The following SNRPN variants were observed in gnomAD, a reference collection of about 807,000 sequenced individuals.
SNRPN encodes the protein small nuclear ribonucleoprotein-associated protein N.
In SNRPN, 7 loss-of-function variants were observed where a neutral mutation model predicts 25.2. That is an observed-to-expected ratio of 0.28 (90% CI 0.16 to 0.52). SNRPN has a LOEUF of 0.52. SNRPN is among the 20% of genes least tolerant of loss of function. The pLI, the probability that SNRPN is intolerant of heterozygous loss-of-function variation, is 0.96. For missense variants in SNRPN, 196 were observed against 322.5 expected (o/e 0.61, Z 3.00); for synonymous variants, 124 against 110.6 (o/e 1.12, Z -0.76).
intron 2 of SNRPN, chr15:24,910,958 AC>A: frequency 1.1e-6 from 1 of 902,948 alleles, no homozygotes. Flanking sequence ...AGCAGCCAAC[AC>A]CCAAAACCAC....
rs766395506 is a variant in SNRPN at position 24,974,422 on chromosome 15, C to G, written c.-32C>G. 5.0e-6 allele frequency: 8 copies of G among 1,611,530 alleles called. No individual in the cohort carries two copies. The highest frequency in any genetic ancestry group is 3.3e-4 in the Middle Eastern group (2 of 6,062). The stretch of plus-strand genomic sequence containing the variant: ...GGTCTTCAGAAGCATCAAGTTTTAA[C>G]TGTGGACATTGGATTTGGTGGAACA... On this transcript the variant is annotated 5_prime_UTR_variant, in exon 4 of 10. Coordinates refer to ENST00000390687, the MANE Select transcript of SNRPN (RefSeq NM_003097.6).
At chr15:24,849,661 C>T (rs2052622469) in intron 2 of SNRPN, 1 of 152,180 alleles carries the variant, frequency 6.6e-6, no homozygotes, top group African/African-American at 2.4e-5. Flanking sequence ...TGGAGGGCTG[C>T]TAGCTGCTCT....
At chr15:24,977,311 T>C (rs2077171456) in intron 7 of SNRPN, among the ~76,000 whole-genome samples, 1 of 152,094 alleles carries the variant, frequency 6.6e-6, no homozygotes, top group Non-Finnish European at 1.5e-5. Flanking sequence ...ACCAAAGGGC[T>C]TTTTGGATGT....
At chr15:24,949,703 C>CT (rs1206699364) in intron 3 of SNRPN, among the ~76,000 whole-genome samples, 1 of 152,140 alleles carries the variant, frequency 6.6e-6, no homozygotes, top group Non-Finnish European at 1.5e-5. Flanking sequence ...TGTCTAGCTG[C>CT]TTTCACTCAG....
intron 2 of SNRPN, among the ~76,000 whole-genome samples, chr15:24,891,690 G>A (rs561910629): frequency 6.3e-4 from 95 of 151,958 alleles, no homozygotes; most frequent in Non-Finnish European, 9.0e-4. Context: ...CACCCTCCTC[G>A]GCCTCCCAAA....
chr15:24,861,793 T>C (rs1183078886), intron 1 of SNRPN, among the ~76,000 whole-genome samples: 1 of 151,996 alleles, frequency 6.6e-6, no homozygotes, highest in Non-Finnish European at 1.5e-5. Context: ...AGCCCTTCCA[T>C]AGTTATAAAA....
At chr15:24,854,492 G>A (rs74005377), upstream of SNRPN, among the ~76,000 whole-genome samples, 1 of 152,168 alleles carries the variant, frequency 6.6e-6, no homozygotes, top group Non-Finnish European at 1.5e-5. Context: ...TGGGTTGATT[G>A]CTCATATTTC....
At chr15:24,961,732 A>G (rs2074858493) in intron 1 of SNRPN, among the ~76,000 whole-genome samples, 1 of 152,138 alleles carries the variant, frequency 6.6e-6, no homozygotes, top group East Asian at 1.9e-4. Context: ...TATTTTTTGA[A>G]ACCATTTTGG....
At chr15:24,843,810 C>CACACACACACAA (rs2051925474) in intron 2 of SNRPN, among the ~76,000 whole-genome samples, 1 of 150,874 alleles carries the variant, frequency 6.6e-6, no homozygotes. Flanking sequence ...CACACACACA[C>CACACACACACAA]ACACACAGAA....
intron 1 of SNRPN, among the ~76,000 whole-genome samples, chr15:24,861,936 G>A (rs1391516): frequency 0.54 from 81,280 of 150,930 alleles, 24,213 homozygotes; most frequent in Non-Finnish European, 0.65. Context: ...TATCTTAATC[G>A]CACTGTGTGG....
intron 1 of SNRPN, among the ~76,000 whole-genome samples, chr15:24,881,405 C>G (rs1350610932): frequency 6.6e-6 from 1 of 151,244 alleles, no homozygotes; most frequent in Non-Finnish European, 1.5e-5. Flanking sequence ...GGGGTGGACA[C>G]CTGTAATCCC....
chr15:24,848,058 G>C (rs950206848), intron 2 of SNRPN, among the ~76,000 whole-genome samples: 1 of 151,872 alleles, frequency 6.6e-6, no homozygotes, highest in African/African-American at 2.4e-5. Flanking sequence ...TCATGTCTCC[G>C]TGGCAGGGCC....
At chr15:24,910,766 T>C (rs1395854453) in intron 2 of SNRPN, 1 of 295,466 alleles carries the variant, frequency 3.4e-6, no homozygotes, top group Non-Finnish European at 6.2e-6. Flanking sequence ...GTGCTGGAAC[T>C]ACAGGCGTGA....
chr15:24,923,403 C>G (rs1277644305), intron 3 of SNRPN, among the ~76,000 whole-genome samples: 7 of 152,194 alleles, frequency 4.6e-5, no homozygotes, highest in African/African-American at 1.7e-4. Context: ...ATAACAACCA[C>G]TTTGGTAAAC....
At chr15:24,935,162 C>T (rs923699475) in intron 3 of SNRPN, among the ~76,000 whole-genome samples, 1 of 151,960 alleles carries the variant, frequency 6.6e-6, no homozygotes, top group Admixed American at 6.6e-5. Context: ...GTCCCAGCTA[C>T]TCGTGAGGCT....
intron 3 of SNRPN, among the ~76,000 whole-genome samples, chr15:24,973,120 C>T (rs866402772): frequency 1.3e-5 from 2 of 152,162 alleles, no homozygotes; most frequent in South Asian, 4.2e-4. Context: ...AATTCTTGAC[C>T]TCAGGTGATC....
intron 1 of SNRPN, among the ~76,000 whole-genome samples, chr15:24,861,051 T>C (rs1005371570): frequency 1.3e-5 from 2 of 152,052 alleles, no homozygotes; most frequent in African/African-American, 4.8e-5. Flanking sequence ...GGAGGTTGCA[T>C]TGAGCTGAGA....
chr15:24,940,308 C>T (rs78140648), intron 3 of SNRPN, among the ~76,000 whole-genome samples: 2,733 of 152,140 alleles, frequency 0.018, 74 homozygotes, highest in African/African-American at 0.062. Context: ...TGTTATGAAG[C>T]GTTTTTTCCT....
upstream of SNRPN, among the ~76,000 whole-genome samples, chr15:24,950,181 C>CTT (rs751256610): frequency 2.8e-5 from 4 of 144,364 alleles, no homozygotes; most frequent in Non-Finnish European, 4.6e-5. Flanking sequence ...CAGTTTTTAA[C>CTT]TTTTTTTTTT....
Sources: gnomAD v4.1 joint callset for allele counts (sites outside exome capture counted in the v4.1 genomes callset) on GRCh38, gnomAD v4.1.1 for gene constraint, MANE v1.5 for transcripts, NCBI Gene and HGNC (gene_info 2026-07-23, HGNC 2026-07-21) for gene names.